Variants in SEL1L3 observed in about 807,000 individuals in gnomAD.
SEL1L3 encodes protein sel-1 homolog 3.
In SEL1L3, 76 loss-of-function variants were observed where a neutral mutation model predicts 142.8. The observed-to-expected ratio is 0.53, with a 90% CI of 0.44 to 0.64. SEL1L3 has a LOEUF of 0.64. Ranked by LOEUF, SEL1L3 falls within the 30% of genes least tolerant of loss-of-function variation. SEL1L3 has a pLI of 0.00. For missense variants in SEL1L3, 1,262 were observed against 1,381.7 expected (o/e 0.91, Z 1.37); for synonymous variants, 504 against 519.6 (o/e 0.97, Z 0.41).
At chr4:25,729,446 G>A in the SEL1L3 span, among the ~76,000 whole-genome samples, 1 of 152,200 alleles carries the variant, frequency 6.6e-6, no homozygotes. Context: ...GGGCACGGTG[G>A]CTTGCACCTG....
At chr4:25,723,792 C>T in the SEL1L3 span, among the ~76,000 whole-genome samples, 1 of 152,162 alleles carries the variant, frequency 6.6e-6, no homozygotes, top group African/African-American at 2.4e-5. Flanking sequence ...ACCTATTGAT[C>T]GACTCAGGCT....
intron 1 of SEL1L3, among the ~76,000 whole-genome samples, chr4:25,849,036 G>A (rs1484306936): frequency 6.6e-6 from 1 of 152,204 alleles, no homozygotes; most frequent in Admixed American, 6.5e-5. Flanking sequence ...CTCCTTGGGA[G>A]GCTGAGGCAG....
intron 23 of SEL1L3, among the ~76,000 whole-genome samples, chr4:25,753,107 C>G (rs765191058): frequency 6.6e-6 from 1 of 152,204 alleles, no homozygotes; most frequent in Non-Finnish European, 1.5e-5. Flanking sequence ...CCTCCCACAC[C>G]GATGCTGTTA....
Position 25,862,928 on chromosome 4 carries a change from G to T in SEL1L3, c.-92C>A. 1.1e-6 allele frequency: 1 copy of T among 889,584 alleles called. No individual in the cohort carries two copies. The allele number at this position is 889,584 out of a possible 1,614,324, so 55.1% of individuals were successfully genotyped here. A position where few individuals can be genotyped will look rare whatever the true frequency, so the allele number is the denominator to read the frequency against. The stretch of plus-strand genomic sequence containing the variant: ...GCCACCTTCCCGCCCGCCCCCGGCC[G>T]GGCCGGCCGCCGCGCGCGGGGCCAC... On this transcript the variant is annotated 5_prime_UTR_variant, in exon 1 of 24. Transcript: ENST00000399878.
At chr4:25,818,039 T>A (rs1207302140) in intron 9 of SEL1L3, 99 bp downstream of exon 9, 2 of 1,270,860 alleles carry the variant, frequency 1.6e-6, no homozygotes, top group East Asian at 2.5e-5. Context: ...GGGTTAAAAA[T>A]AACTTTAAGG....
At chr4:25,805,980 T>C (rs988577577) in intron 9 of SEL1L3, among the ~76,000 whole-genome samples, 10 of 152,176 alleles carry the variant, frequency 6.6e-5, no homozygotes, top group Admixed American at 3.3e-4. Flanking sequence ...ATGATGTTTC[T>C]TTTTTTCTTC....
chr4:25,846,002 A>T (rs1716480540), intron 2 of SEL1L3, among the ~76,000 whole-genome samples: 1 of 152,140 alleles, frequency 6.6e-6, no homozygotes, highest in Non-Finnish European at 1.5e-5. Flanking sequence ...GACTAAGTAG[A>T]TGAAGGACTG....
At chr4:25,831,531 T>A (rs1271672327) in intron 5 of SEL1L3, among the ~76,000 whole-genome samples, 9 of 145,194 alleles carry the variant, frequency 6.2e-5, no homozygotes, top group Non-Finnish European at 7.6e-5. Context: ...TTATTATTAT[T>A]ATTATTATTA....
chr4:25,818,421 G>T, intron 8 of SEL1L3, 143 bp from the exon 9 acceptor site: 1 of 748,982 alleles, frequency 1.3e-6, no homozygotes, highest in Non-Finnish European at 2.0e-6. Flanking sequence ...TTTGAAATTG[G>T]CTATGATGCT....
rs140823488 is a variant in SEL1L3 at position 25,803,940 on chromosome 4, C to CCT, written c.1776+599_1776+600dup. Among the ~76,000 whole-genome samples the CCT allele has an allele frequency of 6.1e-3, 924 of 152,266 alleles. 6 individuals are homozygous for CCT. The highest frequency in any genetic ancestry group is 0.021 in the African/African-American group (866 of 41,552). The stretch of plus-strand genomic sequence containing the variant: ...GACGGCAGACTGTGGGACCTCTCAG[C>CCT]CTCCATAATTGCATGAGCCAATTCT... On this transcript the variant is annotated intron_variant, in intron 10 of 23. Coordinates refer to ENST00000399878, the MANE Select transcript of SEL1L3 (RefSeq NM_015187.5).
At chr4:25,772,741 G>T (rs1719315823) in intron 17 of SEL1L3, among the ~76,000 whole-genome samples, 1 of 152,148 alleles carries the variant, frequency 6.6e-6, no homozygotes. Flanking sequence ...TGTTACAGCA[G>T]TGAATATGAA....
chr4:25,834,334 C>T (rs1715644646), intron 3 of SEL1L3, among the ~76,000 whole-genome samples: 1 of 152,220 alleles, frequency 6.6e-6, no homozygotes, highest in South Asian at 2.1e-4. Context: ...GCACACAATG[C>T]TACTGACCAG....
rs367972252 is a variant in SEL1L3, at chr4:25,780,172, C to A, written c.2458-969G>T. On this transcript the variant is annotated intron_variant, in intron 15 of 23. Transcript: ENST00000399878. ...TGACTCTTCTCCACCTCTCACACCC[C>A]ACATTCAACCCCTCAGCAAATCCTG... Among the ~76,000 whole-genome samples, 28 of 152,244 alleles carry A rather than the reference C, an allele frequency of 1.8e-4. No homozygotes were observed. The East Asian group carries it at 1.9e-3, about 10-fold the overall frequency.
intron 23 of SEL1L3, chr4:25,755,906 T>C (rs1717924430): frequency 5.1e-6 from 5 of 985,184 alleles, no homozygotes; most frequent in Non-Finnish European, 6.0e-6. Context: ...AATAAATGAC[T>C]ATACCTGGCA....
At chr4:25,836,441 G>A (rs1174752669) in intron 2 of SEL1L3, among the ~76,000 whole-genome samples, 7 of 152,066 alleles carry the variant, frequency 4.6e-5, no homozygotes, top group African/African-American at 1.7e-4. Context: ...GAGGTCAGGA[G>A]ATCGAGACCA....
chr4:25,843,724 C>T (rs1045782137), intron 2 of SEL1L3, among the ~76,000 whole-genome samples: 1 of 152,246 alleles, frequency 6.6e-6, no homozygotes, highest in African/African-American at 2.4e-5. Context: ...GTGGCACACA[C>T]GTGTTCCCAA....
At chr4:25,819,333 G>T (rs1362059595) in intron 8 of SEL1L3, among the ~76,000 whole-genome samples, 1 of 139,048 alleles carries the variant, frequency 7.2e-6, no homozygotes, top group Non-Finnish European at 1.7e-5. Context: ...TCAATTTCAA[G>T]GATTTAAAAA....
Position 25,855,755 on chromosome 4 carries a change from C to T in SEL1L3, c.162+6920G>A, listed in dbSNP as rs1049981270. On this transcript the variant is annotated intron_variant, in intron 1 of 23. Transcript: ENST00000399878. ...CAGCCTGGACAACAGAGCGAGATTC[C>T]GTCTCAGGAAAAAAAAAAAGCACTG... Among the ~76,000 whole-genome samples, 7 of 151,576 alleles carry T rather than the reference C, an allele frequency of 4.6e-5. No homozygotes were observed. In the South Asian group the frequency reaches 6.2e-4, roughly 14 times the overall value.
chr4:25,795,472 G>T (rs536672817), intron 11 of SEL1L3, among the ~76,000 whole-genome samples: 1 of 152,352 alleles, frequency 6.6e-6, no homozygotes, highest in Non-Finnish European at 1.5e-5. Flanking sequence ...GGGAGGGTGT[G>T]TTGGGGCCAG....
Sources: allele counts gnomAD v4.1 joint callset (sites outside exome capture counted in the v4.1 genomes callset), GRCh38; gene constraint gnomAD v4.1.1; transcripts MANE v1.5; gene names NCBI Gene and HGNC (gene_info 2026-07-23, HGNC 2026-07-21).